Variants in PTGS2 observed in about 807,000 individuals in gnomAD.
The protein encoded by PTGS2 is prostaglandin-endoperoxide synthase 2, also known as prostaglandin G/H synthase 2.
PTGS2 carries 14 observed loss-of-function variants against 63.8 expected under a neutral mutation model. The ratio of observed to expected loss-of-function variants is 0.22; its 90% confidence interval spans 0.14 to 0.34. The LOEUF (loss-of-function observed/expected upper bound fraction) is 0.34. Ranked by LOEUF, PTGS2 falls within the 10% of genes least tolerant of loss-of-function variation. The pLI, the probability that PTGS2 is intolerant of heterozygous loss-of-function variation, is 1.00. For synonymous variants in PTGS2, 271 were observed against 259.5 expected (o/e 1.04, Z -0.43); for missense variants, 533 against 738.5 (o/e 0.72, Z 3.23).
chr1:186,676,570 T>C lies in PTGS2; in HGVS notation c.867A>G (p.Thr289=). 1 of 1,614,130 alleles carries C rather than the reference T, an allele frequency of 6.2e-7. No individual in the cohort carries two copies. Among genetic ancestry groups the C allele is most frequent in the Non-Finnish European group, 8.5e-7 (1 of 1,180,016 alleles). The change falls in exon 7 of 10, where the codon ACA becomes ACG. Residue 289 remains threonine, a synonymous_variant. Transcript: ENST00000367468. ...GLVPGLMMYA[T]IWLREHNRVC... ...CTCTGTTGTGTTCCCGCAGCCAGAT[T>C]GTGGCATACATCATCAGACCAGGCA...
chr1:186,674,906 C>A, intron 9 of PTGS2, 144 bp from the exon 10 acceptor site: 2 of 1,000,346 alleles, frequency 2.0e-6, no homozygotes, highest in South Asian at 3.4e-5. Flanking sequence ...GGGCCAGGCG[C>A]GGTGGCTCAC....
At chr1:186,678,693 C>T (rs1665824513) in intron 3 of PTGS2, among the ~76,000 whole-genome samples, 1 of 152,186 alleles carries the variant, frequency 6.6e-6, no homozygotes, top group East Asian at 1.9e-4. Context: ...GTATGGCACC[C>T]ACTTTAGAAT....
Position 186,677,803 on chromosome 1 carries a change from T to G in PTGS2, c.485A>C (p.Glu162Ala). 1 of 1,613,610 alleles carries G rather than the reference T, an allele frequency of 6.2e-7. No homozygotes were observed. The highest frequency in any genetic ancestry group is 8.5e-7 in the Non-Finnish European group (1 of 1,179,828). The part of the protein sequence containing the change: ...KGKKQLPDSN[E>A]IVEKLLLRRK... ...TCTTAGAAGCAATTTTTCCACAATC[T>G]CATTTGAATCAGGAAGCTGCTTTTT... The change falls in exon 5 of 10, where the codon GAG becomes GCG. Residue 162 changes from glutamate (E) to alanine (A), a missense_variant. Glu to Ala is a moderately radical substitution (Grantham distance 107). This residue lies in a region of PTGS2 where 118 missense variants were observed against 138.7 expected (regional missense o/e 0.85). Coordinates refer to ENST00000367468, the MANE Select transcript of PTGS2 (RefSeq NM_000963.4).
At chr1:186,674,875 T>A (rs1193664377) in intron 9 of PTGS2, 113 bp from the exon 10 acceptor site, 1 of 1,292,800 alleles carries the variant, frequency 7.7e-7, no homozygotes, top group African/African-American at 1.5e-5. Flanking sequence ...ATTTGACCCC[T>A]GATTCTTTTA....
chr1:186,675,090 T>C (rs569282606), intron 9 of PTGS2, among the ~76,000 whole-genome samples, 159 bp downstream of exon 9: 2 of 152,272 alleles, frequency 1.3e-5, no homozygotes, highest in African/African-American at 4.8e-5. Flanking sequence ...GGCAGGAGAA[T>C]TGCTTGAACC....
At chr1:186,678,989 G>A in intron 3 of PTGS2, 69 bp downstream of exon 3, 1 of 1,497,674 alleles carries the variant, frequency 6.7e-7, no homozygotes, top group Non-Finnish European at 9.0e-7. Flanking sequence ...TTTAGATTAG[G>A]CTTACAGTAT....
chr1:186,676,311 G>A, intron 7 of PTGS2, 127 bp from the exon 8 acceptor site: 1 of 1,371,258 alleles, frequency 7.3e-7, no homozygotes, highest in Non-Finnish European at 9.9e-7. Context: ...AGTATCAAAA[G>A]ATAGCTATTT....
rs147906320 is a variant in PTGS2, at chr1:186,676,057, T to C, written c.1098A>G (p.Glu366=). ...GATGCCAGTGATAGAGGGTGTTAAA[T>C]TCAGCAGCAATACGATTTTGGTACT... is the stretch of plus-strand genomic sequence containing the variant. ...QFQYQNRIAA[E]FNTLYHWHPL... The change falls in exon 8 of 10, where the codon GAA becomes GAG. Residue 366 remains glutamate (E), a synonymous_variant. Transcript: ENST00000367468. 549 of 1,614,152 alleles carry C rather than the reference T, an allele frequency of 3.4e-4. 3 individuals carry two copies. Among genetic ancestry groups the C allele is most frequent in the South Asian group, 2.3e-3 (212 of 91,080 alleles).
Position 186,676,168 on chromosome 1 carries a change from A to C in PTGS2, c.987T>G (p.Ile329Met). Reference sequence around the variant, plus strand: ...AGTGTTGCACATAATCTTCAATCACAATCTTAATAGTCTCTCCTATTTGCA... The same window carrying C: ...AGTGTTGCACATAATCTTCAATCACCATCTTAATAGTCTCTCCTATTTGCA... ...RLILIGETIKIVIEDYVQHLS... is the reference protein window; with the variant it reads ...RLILIGETIKMVIEDYVQHLS... Residue 329 changes from isoleucine to methionine, a missense_variant, in exon 8 of 10, where the codon ATT (isoleucine) becomes ATG (methionine). Around this residue, in one of 5 missense-constraint regions of PTGS2, gnomAD observed 67 missense variants for 152.6 expected, o/e 0.44. Transcript: ENST00000367468. 1 of 1,612,186 alleles carries C rather than the reference A, an allele frequency of 6.2e-7. No individual in the cohort carries two copies. Among genetic ancestry groups the C allele is most frequent in the Non-Finnish European group, 8.5e-7 (1 of 1,178,456 alleles).
chr1:186,674,971 G>A (rs1316603754), intron 9 of PTGS2, among the ~76,000 whole-genome samples: 1 of 152,242 alleles, frequency 6.6e-6, no homozygotes, highest in Non-Finnish European at 1.5e-5. Flanking sequence ...TAGGTCAGGA[G>A]TTTGAGACCA....
At chr1:186,680,114 C>T (rs1207934595) in intron 1 of PTGS2, 125 bp downstream of exon 1, 11 of 1,432,356 alleles carry the variant, frequency 7.7e-6, no homozygotes, top group Non-Finnish European at 1.0e-5. Flanking sequence ...AGCTCTTTCC[C>T]AAGTCACGTA....
intron 5 of PTGS2, 47 bp from the exon 6 acceptor site, chr1:186,676,963 C>T: frequency 7.1e-7 from 1 of 1,413,498 alleles, no homozygotes; most frequent in Non-Finnish European, 9.9e-7. Context: ...TGAAGTTTTT[C>T]TTATATAAAG....
chr1:186,678,993 A>C (rs1050405310), intron 3 of PTGS2, 65 bp downstream of exon 3: 25 of 1,498,642 alleles, frequency 1.7e-5, no homozygotes, highest in Non-Finnish European at 2.2e-5. Context: ...GATTAGGCTT[A>C]CAGTATTATA....
intron 7 of PTGS2, 129 bp from the exon 8 acceptor site, chr1:186,676,313 T>C (rs1665779673): frequency 7.3e-7 from 1 of 1,367,510 alleles, no homozygotes; most frequent in Non-Finnish European, 9.9e-7. Flanking sequence ...TATCAAAAGA[T>C]AGCTATTTTA....
chr1:186,676,349 A>G (rs1355745819), intron 7 of PTGS2, 118 bp downstream of exon 7: 2 of 1,418,912 alleles, frequency 1.4e-6, no homozygotes, highest in African/African-American at 2.9e-5. Flanking sequence ...TATTTAATGT[A>G]TATAGAATGT....
Position 186,675,871 on chromosome 1 carries a change from G to C in PTGS2, c.1257+27C>G, listed in dbSNP as rs916306029. On this transcript the variant is annotated intron_variant, in intron 8 of 9. Coordinates refer to ENST00000367468, the MANE Select transcript of PTGS2 (RefSeq NM_000963.4). The stretch of plus-strand genomic sequence containing the variant: ...TTCTAAAGTTACTGACTAGTCTTTT[G>C]TTTTGGTTTTCAATAATAATGCTTA... 4.4e-6 allele frequency: 7 copies of C among 1,578,138 alleles called. No homozygotes were observed. In the African/African-American group the frequency reaches 9.5e-5, roughly 21 times the overall value.
At chr1:186,676,968 A>G (rs1394684808) in intron 5 of PTGS2, 52 bp from the exon 6 acceptor site, 1 of 1,320,592 alleles carries the variant, frequency 7.6e-7, no homozygotes, top group Non-Finnish European at 1.1e-6. Context: ...TTTTTCTTAT[A>G]TAAAGTGTCT....
At position 186,675,386 on chromosome 1, in the gene PTGS2, C is replaced by A; in HGVS notation, c.1268G>T (p.Gly423Val). The stretch of plus-strand genomic sequence containing the variant: ...CTGTACTGCGGGTGGAACATTCCTA[C>A]CACCAGCAACCTGTGGAAAGTAAAA... ...TRQIAGRVAG[G>V]RNVPPAVQKV... The change falls in exon 9 of 10, where the codon GGT becomes GTT. Residue 423 changes from glycine to valine, a missense_variant. By Grantham distance (109) the Gly-to-Val change is moderately radical. Around this residue, in one of 5 missense-constraint regions of PTGS2, gnomAD observed 219 missense variants for 267.4 expected, o/e 0.82. Coordinates refer to ENST00000367468, the MANE Select transcript of PTGS2 (RefSeq NM_000963.4). 1.9e-6 allele frequency: 3 copies of A among 1,611,024 alleles called. No individual in the cohort carries two copies. The highest frequency in any genetic ancestry group is 2.5e-6 in the Non-Finnish European group (3 of 1,179,344).
rs200652624 is a variant in PTGS2, at chr1:186,675,307, A to G, written c.1347T>C (p.Phe449=). 10 of 1,614,236 alleles carry G rather than the reference A, an allele frequency of 6.2e-6. No individual in the cohort carries two copies. Among genetic ancestry groups the G allele is most frequent in the South Asian group, 5.5e-5 (5 of 91,088 alleles). Residue 449 remains phenylalanine, a synonymous_variant, in exon 9 of 10, where the codon TTT becomes TTC. Transcript: ENST00000367468. ...DQSRQMKYQS[F]NEYRKRFMLK... is the part of the protein sequence containing the mutation. ...GCATAAAGCGTTTGCGGTACTCATTAAAAGACTGGTATTTCATCTGCCTGC... is the reference window on the plus strand; with the variant it reads ...GCATAAAGCGTTTGCGGTACTCATTGAAAGACTGGTATTTCATCTGCCTGC...
Sources: gnomAD v4.1 joint callset for allele counts (sites outside exome capture counted in the v4.1 genomes callset) on GRCh38, gnomAD v4.1.1 for gene constraint, gnomAD v4.1.1 regional missense constraint, MANE v1.5 for transcripts, NCBI Gene and HGNC (gene_info 2026-07-23, HGNC 2026-07-21) for gene names.